Variants in NEDD4 observed in about 807,000 individuals in gnomAD.
NEDD4 encodes NEDD4 E3 ubiquitin protein ligase.
A neutral mutation model predicts 144.9 loss-of-function variants in NEDD4; 99 were observed. The observed-to-expected ratio is 0.68, with a 90% CI of 0.58 to 0.81. NEDD4 has a LOEUF of 0.81. Among genes scored for constraint, NEDD4 ranks in the 30% least tolerant of loss-of-function variants. The pLI, the probability that NEDD4 is intolerant of heterozygous loss-of-function variation, is 0.00. For missense variants in NEDD4, 985 were observed against 1,065.9 expected, an observed-to-expected ratio of 0.92 and a Z score of 1.06; for synonymous variants, 318 against 350.6, an observed-to-expected ratio of 0.91 and a Z score of 1.04.
chr15:55,985,617 T>C (rs1362286060), intron 1 of NEDD4, among the ~76,000 whole-genome samples: 1 of 152,190 alleles, frequency 6.6e-6, no homozygotes, highest in Non-Finnish European at 1.5e-5. Context: ...AAGGTACTTA[T>C]GGCTATAAAG....
At chr15:55,957,001 TTTATTACAAATC>T (rs1331060699) in intron 2 of NEDD4, among the ~76,000 whole-genome samples, 5 of 152,346 alleles carry the variant, frequency 3.3e-5, no homozygotes, top group African/African-American at 1.2e-4. Context: ...TCAGTGTCCA[TTTATTACAAATC>T]TTTTGTTGTA....
intron 21 of NEDD4, among the ~76,000 whole-genome samples, chr15:55,839,740 C>T (rs569996125): frequency 2.6e-5 from 4 of 151,584 alleles, no homozygotes; most frequent in Admixed American, 1.3e-4. Flanking sequence ...CACTTTGGGA[C>T]GCTGAGGCAG....
In NEDD4 at chr15:55,839,023, TTTTAA is replaced by T. The variant is rs1285880276; in HGVS notation, c.2032-424_2032-420del. ...TCGTGTTAAATGTTTTATTTTTATT[TTTTAA>T]TTTAATTTTTTTTTTTTTGAGACAG... On this transcript the variant is annotated intron_variant, in intron 21 of 28. Transcript: ENST00000435532. Among the ~76,000 whole-genome samples the T allele has an allele frequency of 1.4e-4, 21 of 150,002 alleles. No homozygotes were observed. In the East Asian group the frequency reaches 3.5e-3, roughly 25 times the overall value.
intron 24 of NEDD4, among the ~76,000 whole-genome samples, chr15:55,836,246 T>C (rs2033187487): frequency 6.6e-6 from 1 of 151,938 alleles, no homozygotes; most frequent in Non-Finnish European, 1.5e-5. Flanking sequence ...ACATCATACA[T>C]ACCTTAATAA....
intron 5 of NEDD4, among the ~76,000 whole-genome samples, chr15:55,875,735 G>A (rs1422846836): frequency 1.3e-5 from 2 of 151,998 alleles, no homozygotes; most frequent in African/African-American, 2.4e-5. Flanking sequence ...TATAGAGACA[G>A]AATTTATCTA....
intron 5 of NEDD4, among the ~76,000 whole-genome samples, chr15:55,923,655 A>AG (rs1280247725): frequency 7.4e-6 from 1 of 134,880 alleles, no homozygotes; most frequent in African/African-American, 2.9e-5. Context: ...CAAAAAAAAA[A>AG]AAAAATATAT....
At chr15:55,981,388 C>A (rs1193129364) in intron 1 of NEDD4, among the ~76,000 whole-genome samples, 3 of 151,836 alleles carry the variant, frequency 2.0e-5, no homozygotes, top group African/African-American at 7.3e-5. Flanking sequence ...TTTTGAGCAA[C>A]ATGCTACATC....
intron 5 of NEDD4, among the ~76,000 whole-genome samples, chr15:55,882,250 A>G (rs1195689617): frequency 6.6e-6 from 1 of 152,200 alleles, no homozygotes; most frequent in Non-Finnish European, 1.5e-5. Flanking sequence ...TTAACTTCAC[A>G]TCACTGAAAG....
intron 8 of NEDD4, among the ~76,000 whole-genome samples, chr15:55,865,896 A>G (rs2034569831): frequency 6.6e-6 from 1 of 151,936 alleles, no homozygotes; most frequent in Non-Finnish European, 1.5e-5. Context: ...ATGACAGAAT[A>G]AATTATTTTG....
At chr15:55,989,818 G>A (rs2037960565) in intron 1 of NEDD4, among the ~76,000 whole-genome samples, 1 of 152,100 alleles carries the variant, frequency 6.6e-6, no homozygotes, top group African/African-American at 2.4e-5. Context: ...TCTAGAGCAG[G>A]GGTCCCCAAC....
At chr15:55,992,888 A>G (rs545215321) in intron 1 of NEDD4, among the ~76,000 whole-genome samples, 1 of 152,326 alleles carries the variant, frequency 6.6e-6, no homozygotes, top group Admixed American at 6.5e-5. Flanking sequence ...ATCAACGACG[A>G]CCGGTGAAAT....
intron 9 of NEDD4, among the ~76,000 whole-genome samples, 199 bp downstream of exon 9, chr15:55,862,714 A>C (rs1449846453): frequency 3.3e-5 from 5 of 152,190 alleles, no homozygotes; most frequent in African/African-American, 1.2e-4. Flanking sequence ...GAGTCAAGTA[A>C]TTTTGAATAT....
chr15:55,887,874 A>G (rs1000879694), intron 5 of NEDD4, among the ~76,000 whole-genome samples: 3 of 152,328 alleles, frequency 2.0e-5, no homozygotes, highest in Admixed American at 6.5e-5. Flanking sequence ...AGAATGAAGT[A>G]TTGATTATAA....
At chr15:55,960,668 ATATCTATCC>A (rs140875720) in intron 2 of NEDD4, among the ~76,000 whole-genome samples, 20,378 of 152,086 alleles carry the variant, frequency 0.13, 1,469 homozygotes, top group East Asian at 0.32. Flanking sequence ...CTTCATATAT[ATATCTATCC>A]TATTAGTTCT....
At position 55,953,280 on chromosome 15, in the gene NEDD4, C is replaced by T. The variant is rs989190149; in HGVS notation, c.120-1691G>A. On this transcript the variant is annotated intron_variant, in intron 2 of 28. Coordinates refer to ENST00000435532, the MANE Select transcript of NEDD4 (RefSeq NM_006154.4). Reference sequence around the variant, plus strand: ...CTGGGATTACCCACGTGAGCCATAGCGCTGAGCCCGTATATTAATTCTTTG... The same window carrying T: ...CTGGGATTACCCACGTGAGCCATAGTGCTGAGCCCGTATATTAATTCTTTG... Among the ~76,000 whole-genome samples the T allele has an allele frequency of 3.9e-4, 59 of 151,498 alleles. 1 individual carries two copies. Among genetic ancestry groups the T allele is most frequent in the Non-Finnish European group, 1.8e-4 (12 of 67,866 alleles).
chr15:55,853,381 A>G (rs74015308), intron 12 of NEDD4, among the ~76,000 whole-genome samples: 1 of 152,322 alleles, frequency 6.6e-6, no homozygotes, highest in African/African-American at 2.4e-5. Context: ...CTGAATTTCA[A>G]TGAGATAATT....
chr15:55,935,881 G>T (rs1292071329), intron 4 of NEDD4, among the ~76,000 whole-genome samples: 2 of 144,414 alleles, frequency 1.4e-5, no homozygotes, highest in Non-Finnish European at 3.0e-5. Flanking sequence ...TCAGCAAAAA[G>T]CTCTCCCTTT....
chr15:55,923,283 G>T (rs776768906), intron 5 of NEDD4, among the ~76,000 whole-genome samples: 1 of 152,158 alleles, frequency 6.6e-6, no homozygotes, highest in Non-Finnish European at 1.5e-5. Flanking sequence ...AACACAGACA[G>T]AAAACAAATA....
At chr15:55,979,881 CTTTCT>C (rs1337898195) in intron 1 of NEDD4, among the ~76,000 whole-genome samples, 4 of 151,480 alleles carry the variant, frequency 2.6e-5, no homozygotes, top group Non-Finnish European at 4.4e-5. Context: ...ATTTTGGAAA[CTTTCT>C]TTTCATTAAC....
Sources: gnomAD v4.1 joint callset for allele counts (sites outside exome capture counted in the v4.1 genomes callset) on GRCh38, gnomAD v4.1.1 for gene constraint, MANE v1.5 for transcripts, NCBI Gene and HGNC (gene_info 2026-07-23, HGNC 2026-07-21) for gene names.